Variants in PIP4P2 observed in about 807,000 individuals in gnomAD.
PIP4P2 encodes the protein type 2 phosphatidylinositol 4,5-bisphosphate 4-phosphatase.
PIP4P2 carries 19 observed loss-of-function variants against 33.3 expected under a neutral mutation model. The observed-to-expected ratio is 0.57, with a 90% CI of 0.40 to 0.84. The LOEUF (loss-of-function observed/expected upper bound fraction) is 0.84, where lower values mean the gene tolerates loss of function less well. Ranked by LOEUF, PIP4P2 falls within the 40% of genes least tolerant of loss-of-function variation. The probability of loss-of-function intolerance (pLI) is 0.00; values close to 1 mark genes in which losing one functional copy is unlikely to be tolerated. For synonymous variants in PIP4P2, 110 were observed against 111.9 expected (o/e 0.98, Z 0.11); for missense variants, 270 against 324.7 (o/e 0.83, Z 1.29).
At chr8:91,019,171 T>C (rs1811963199) in intron 3 of PIP4P2, among the ~76,000 whole-genome samples, 1 of 151,968 alleles carries the variant, frequency 6.6e-6, no homozygotes, top group African/African-American at 2.4e-5. Flanking sequence ...ATTGCACATA[T>C]ACATTCAGCA....
intron 3 of PIP4P2, 111 bp from the exon 4 acceptor site, chr8:91,018,624 G>C: frequency 6.6e-7 from 1 of 1,505,406 alleles, no homozygotes; most frequent in South Asian, 1.3e-5. Context: ...CATAAATTAA[G>C]TGAATTAAAT....
chr8:91,024,412 GGATT>G (rs1365977610), intron 1 of PIP4P2: 6 of 370,566 alleles, frequency 1.6e-5, no homozygotes, highest in Non-Finnish European at 3.2e-5. Flanking sequence ...ATTAATAATT[GGATT>G]ATTATAGATT....
At chr8:90,997,839 A>T (rs953081287) in intron 5 of PIP4P2, among the ~76,000 whole-genome samples, 1 of 152,100 alleles carries the variant, frequency 6.6e-6, no homozygotes, top group Non-Finnish European at 1.5e-5. Flanking sequence ...ATTTAGAAAC[A>T]TGTGATTCCA....
chr8:91,001,903 C>G (rs1811704400), intron 5 of PIP4P2, among the ~76,000 whole-genome samples: 1 of 152,046 alleles, frequency 6.6e-6, no homozygotes, highest in African/African-American at 2.4e-5. Context: ...TAGACTGATA[C>G]TAACCCTAAA....
chr8:91,031,598 A>G (rs1812165126), intron 1 of PIP4P2, among the ~76,000 whole-genome samples: 1 of 152,236 alleles, frequency 6.6e-6, no homozygotes. Context: ...CATTGCCTTT[A>G]GAAGTAAATG....
intron 4 of PIP4P2, among the ~76,000 whole-genome samples, chr8:91,017,380 C>T (rs28404401): frequency 0.47 from 71,736 of 151,480 alleles, 20,324 homozygotes; most frequent in Non-Finnish European, 0.64. Flanking sequence ...GCCTGGGCGA[C>T]GGAGTGAGAC....
intron 4 of PIP4P2, among the ~76,000 whole-genome samples, chr8:91,015,860 A>C (rs1811908738): frequency 1.3e-5 from 2 of 152,212 alleles, no homozygotes; most frequent in Admixed American, 1.3e-4. Context: ...GGAGGAAGTA[A>C]CTTGTGGAAT....
At chr8:91,015,309 A>C (rs529447227) in intron 4 of PIP4P2, among the ~76,000 whole-genome samples, 1 of 152,152 alleles carries the variant, frequency 6.6e-6, no homozygotes, top group South Asian at 2.1e-4. Context: ...GAGGAGGAGG[A>C]GCAGGAAGAG....
At position 90,994,914 on chromosome 8, in the gene PIP4P2, T is replaced by C. The variant is rs1811608197; in HGVS notation, c.*763A>G. 1 of 152,068 alleles carries C rather than the reference T, an allele frequency of 6.6e-6. No homozygotes were observed. Among genetic ancestry groups the C allele is most frequent in the Non-Finnish European group, 1.5e-5 (1 of 67,940 alleles). 9.4% of individuals were successfully genotyped at this position (152,068 alleles called of 1,614,324 possible). A position where few individuals can be genotyped will look rare whatever the true frequency, so the allele number is the denominator to read the frequency against. ...AAGGAATACATAGAGCTGATAAACA[T>C]TAAATTCCATAATCCAGACCAGATC... On this transcript the variant is annotated 3_prime_UTR_variant, in exon 7 of 7. Transcript: ENST00000285419.
At chr8:91,038,772 T>C (rs1469291258) in intron 1 of PIP4P2, among the ~76,000 whole-genome samples, 1 of 152,232 alleles carries the variant, frequency 6.6e-6, no homozygotes, top group African/African-American at 2.4e-5. Flanking sequence ...TAGTAGGTGT[T>C]ATGTCATATG....
At chr8:91,000,402 T>G (rs957151250) in intron 5 of PIP4P2, among the ~76,000 whole-genome samples, 17 of 150,430 alleles carry the variant, frequency 1.1e-4, no homozygotes, top group Admixed American at 2.6e-4. Flanking sequence ...TTTAGCAGTT[T>G]TTTTTTTTTT....
intron 1 of PIP4P2, among the ~76,000 whole-genome samples, chr8:91,037,830 C>A (rs1220999004): frequency 6.6e-6 from 1 of 152,116 alleles, no homozygotes; most frequent in Non-Finnish European, 1.5e-5. Context: ...AGGTCATATT[C>A]TTTTGTTATA....
chr8:91,002,881 A>C (rs1485860808), intron 5 of PIP4P2, among the ~76,000 whole-genome samples: 4 of 152,162 alleles, frequency 2.6e-5, no homozygotes, highest in Non-Finnish European at 5.9e-5. Flanking sequence ...TGGAAGTAGA[A>C]GTGCAATTTG....
chr8:91,016,482 C>T (rs1441077634), intron 4 of PIP4P2: 2 of 152,124 alleles, frequency 1.3e-5, no homozygotes, highest in Non-Finnish European at 2.9e-5. Flanking sequence ...ATCACAATAG[C>T]TGTTGATCTT....
In PIP4P2 at chr8:91,018,799, A is replaced by G. The variant is rs988401222; in HGVS notation, c.363-286T>C. ...TTTTTGTAAGTTCAAATCAGAAAAC[A>G]GTTGTTACCCTTCCTTATCTAGGAA... On this transcript the variant is annotated intron_variant, in intron 3 of 6. Coordinates refer to ENST00000285419, the MANE Select transcript of PIP4P2 (RefSeq NM_018710.3). 4 of 316,252 alleles carry G rather than the reference A, an allele frequency of 1.3e-5. No individual in the cohort carries two copies. The East Asian group carries it at 2.4e-4, about 19-fold the overall frequency. The allele number at this position is 316,252 out of a possible 1,614,324, so 19.6% of individuals were successfully genotyped here. A position where few individuals can be genotyped will look rare whatever the true frequency, so the allele number is the denominator to read the frequency against.
intron 1 of PIP4P2, among the ~76,000 whole-genome samples, chr8:91,029,815 G>T (rs1238790811): frequency 6.6e-6 from 1 of 151,856 alleles, no homozygotes; most frequent in African/African-American, 2.4e-5. Flanking sequence ...AAAATACAAA[G>T]AATTAGCCGG....
intron 4 of PIP4P2, 152 bp downstream of exon 4, chr8:91,018,238 G>A: frequency 8.2e-7 from 1 of 1,218,704 alleles, no homozygotes; most frequent in Non-Finnish European, 1.1e-6. Context: ...CTATATCCTA[G>A]TTGCACTTCT....
chr8:90,998,259 A>C (rs1392385573), intron 5 of PIP4P2, among the ~76,000 whole-genome samples: 1 of 152,066 alleles, frequency 6.6e-6, no homozygotes, highest in Non-Finnish European at 1.5e-5. Flanking sequence ...AAAGTTTCTA[A>C]GTGAATATTA....
chr8:91,004,195 C>T (rs1158109275), intron 5 of PIP4P2, among the ~76,000 whole-genome samples: 1 of 152,216 alleles, frequency 6.6e-6, no homozygotes, highest in Admixed American at 6.5e-5. Flanking sequence ...GGAAGGTCTG[C>T]GGAGCTGAGG....
Sources: allele counts gnomAD v4.1 joint callset (sites outside exome capture counted in the v4.1 genomes callset), GRCh38; gene constraint gnomAD v4.1.1; transcripts MANE v1.5; gene names NCBI Gene and HGNC (gene_info 2026-07-23, HGNC 2026-07-21).